COL25A1: variants seen among roughly 807,000 people sequenced by gnomAD.
COL25A1 encodes collagen alpha-1(XXV) chain.
In COL25A1, 103 loss-of-function variants were observed where a neutral mutation model predicts 128.4. That is an observed-to-expected ratio of 0.80 (90% confidence interval 0.68 to 0.94). COL25A1 has a LOEUF of 0.94. Among genes scored for constraint, COL25A1 ranks in the 40% least tolerant of loss-of-function variants. The pLI, the probability that COL25A1 is intolerant of heterozygous loss-of-function variation, is 0.00. For missense variants in COL25A1, 745 were observed against 840.0 expected, an observed-to-expected ratio of 0.89 and a Z score of 1.40; for synonymous variants, 279 against 277.2, an observed-to-expected ratio of 1.01 and a Z score of -0.06.
At chr4:108,919,862 A>G (rs1745296799) in intron 12 of COL25A1, among the ~76,000 whole-genome samples, 1 of 152,110 alleles carries the variant, frequency 6.6e-6, no homozygotes, top group South Asian at 2.1e-4. Context: ...TCCCAGGTTC[A>G]AGCGATTCTC....
chr4:109,059,750 A>G (rs1761783989), intron 3 of COL25A1, among the ~76,000 whole-genome samples: 1 of 152,232 alleles, frequency 6.6e-6, no homozygotes, highest in African/African-American at 2.4e-5. Flanking sequence ...ATATATAAGT[A>G]TTTGAAGTGA....
chr4:109,254,073 C>T (rs993547725), intron 3 of COL25A1, among the ~76,000 whole-genome samples: 15 of 146,090 alleles, frequency 1.0e-4, no homozygotes, highest in Admixed American at 7.0e-5. Context: ...GGCGACAGTG[C>T]GAGACTCCGT....
intron 8 of COL25A1, among the ~76,000 whole-genome samples, chr4:108,953,977 C>T (rs1749758622): frequency 6.6e-6 from 1 of 152,152 alleles, no homozygotes; most frequent in African/African-American, 2.4e-5. Context: ...ATCAATTACA[C>T]ATTGTAATTC....
intron 6 of COL25A1, among the ~76,000 whole-genome samples, chr4:108,984,070 C>CA (rs1361610802): frequency 6.6e-6 from 1 of 152,086 alleles, no homozygotes; most frequent in Non-Finnish European, 1.5e-5. Context: ...GAGCTAGACA[C>CA]AAAGGTTCTC....
intron 3 of COL25A1, among the ~76,000 whole-genome samples, chr4:109,186,113 C>T (rs555060875): frequency 5.9e-5 from 9 of 152,270 alleles, no homozygotes; most frequent in East Asian, 1.9e-4. Context: ...GTCATTCTTC[C>T]GACCTTCCAG....
chr4:109,080,963 A>G (rs565966518), intron 3 of COL25A1, among the ~76,000 whole-genome samples: 32 of 152,296 alleles, frequency 2.1e-4, no homozygotes, highest in African/African-American at 7.2e-4. Flanking sequence ...AAGTTCTGGG[A>G]AGAGTAGTAG....
At chr4:108,864,665 G>A (rs984872368) in intron 20 of COL25A1, among the ~76,000 whole-genome samples, 1 of 152,166 alleles carries the variant, frequency 6.6e-6, no homozygotes, top group African/African-American at 2.4e-5. Context: ...ATCCCTGTTG[G>A]TATCTATTAT....
intron 3 of COL25A1, among the ~76,000 whole-genome samples, chr4:109,095,091 C>T (rs1330404018): frequency 7.9e-5 from 12 of 152,166 alleles, no homozygotes; most frequent in Admixed American, 7.9e-4. Context: ...CTGTGAATAA[C>T]GTTGCAATAC....
At chr4:109,089,048 C>T (rs1182812234) in intron 3 of COL25A1, among the ~76,000 whole-genome samples, 2 of 152,182 alleles carry the variant, frequency 1.3e-5, no homozygotes, top group South Asian at 2.1e-4. Context: ...AAAGGGGCTT[C>T]ACCTGCCCAT....
At chr4:108,869,575 C>T (rs72668340) in intron 19 of COL25A1, among the ~76,000 whole-genome samples, 7 of 152,042 alleles carry the variant, frequency 4.6e-5, no homozygotes, top group African/African-American at 1.4e-4. Flanking sequence ...AGAATAGGAT[C>T]GAATTGTAGG....
At chr4:109,191,163 T>G (rs140020887) in intron 3 of COL25A1, among the ~76,000 whole-genome samples, 1 of 152,142 alleles carries the variant, frequency 6.6e-6, no homozygotes, top group Non-Finnish European at 1.5e-5. Context: ...AAACCATGCT[T>G]CTTGGTTTTG....
intron 5 of COL25A1, among the ~76,000 whole-genome samples, chr4:109,044,907 G>A (rs1760284641): frequency 6.6e-6 from 1 of 152,106 alleles, no homozygotes; most frequent in East Asian, 1.9e-4. Flanking sequence ...AGAAGTGAAA[G>A]GAAAATATAT....
intron 6 of COL25A1, among the ~76,000 whole-genome samples, chr4:108,997,725 A>G (rs773290751): frequency 3.3e-5 from 5 of 152,238 alleles, no homozygotes; most frequent in Non-Finnish European, 4.4e-5. Context: ...AAAATCTTTA[A>G]TAAAATACTG....
At chr4:109,135,658 T>C (rs564220588) in intron 3 of COL25A1, among the ~76,000 whole-genome samples, 115 of 152,086 alleles carry the variant, frequency 7.6e-4, no homozygotes, top group South Asian at 2.3e-3. Context: ...GCTTTTTTTT[T>C]CTTAATCTTA....
chr4:109,003,280 T>C (rs1397550273), intron 6 of COL25A1, among the ~76,000 whole-genome samples: 2 of 152,202 alleles, frequency 1.3e-5, no homozygotes, highest in African/African-American at 2.4e-5. Flanking sequence ...ATTTTTAAAA[T>C]TAAAAAAACC....
rs531273647 is a variant in COL25A1 at position 108,859,155 on chromosome 4, T to C, written c.1320+501A>G. Reference sequence around the variant, plus strand: ...CAGGAACTGTTCTAAGAGTATAATATATATTGTGCCATTTGCTCTTCTCAA... The same window carrying C: ...CAGGAACTGTTCTAAGAGTATAATACATATTGTGCCATTTGCTCTTCTCAA... On this transcript the variant is annotated intron_variant, in intron 24 of 37. Transcript: ENST00000399132. 2.0e-5 allele frequency among the ~76,000 whole-genome samples: 3 copies of C among 152,288 alleles called. No homozygotes were observed. In the East Asian group the frequency reaches 5.8e-4, roughly 29 times the overall value.
At chr4:108,872,860 T>G (rs1738933394) in intron 19 of COL25A1, among the ~76,000 whole-genome samples, 2 of 152,160 alleles carry the variant, frequency 1.3e-5, no homozygotes, top group Admixed American at 6.5e-5. Context: ...TAATTGATTT[T>G]TAGAAATTTT....
chr4:109,195,114 T>A (rs1012135976), intron 3 of COL25A1, among the ~76,000 whole-genome samples: 3 of 152,144 alleles, frequency 2.0e-5, no homozygotes, highest in African/African-American at 4.8e-5. Flanking sequence ...CAAAAATTTT[T>A]AAAAATTAAT....
At chr4:109,033,417 A>G (rs144728178) in intron 5 of COL25A1, among the ~76,000 whole-genome samples, 459 of 152,344 alleles carry the variant, frequency 3.0e-3, no homozygotes, top group African/African-American at 0.01. Flanking sequence ...CAGCACAATG[A>G]AATCTGGCCC....
Sources: gnomAD v4.1 joint callset for allele counts (sites outside exome capture counted in the v4.1 genomes callset) on GRCh38, gnomAD v4.1.1 for gene constraint, MANE v1.5 for transcripts, NCBI Gene and HGNC (gene_info 2026-07-23, HGNC 2026-07-21) for gene names.